YWHAZ: variants seen among roughly 807,000 people sequenced by gnomAD.
The protein encoded by YWHAZ is 14-3-3 protein zeta/delta.
For synonymous variants in YWHAZ, 87 were observed against 103.6 expected (o/e 0.84, Z 0.97); for missense variants, 79 against 284.8 (o/e 0.28, Z 5.20).
rs1586160637 is a variant in YWHAZ at position 100,948,210 on chromosome 8, ATC to A, written c.294+384_294+385del. 7.4e-7 allele frequency: 1 copy of A among 1,359,764 alleles called. No homozygotes were observed. 84.2% of individuals were successfully genotyped at this position (1,359,764 alleles called of 1,614,324 possible). ...ATTTCTACAATGAGTATCCTATTAC[ATC>A]TCTCTTACCTAAAGTATGTAAAATT... On this transcript the variant is annotated intron_variant, in intron 2 of 5. Coordinates refer to ENST00000395958, the MANE Select transcript of YWHAZ (RefSeq NM_145690.3). The surrounding 1 kb of genome is among the most constrained non-coding windows in gnomAD (Gnocchi z 4.2).
At chr8:100,949,032 T>TTA in intron 1 of YWHAZ, 132 bp from the exon 2 acceptor site, 1 of 1,086,722 alleles carries the variant, frequency 9.2e-7, no homozygotes, top group Non-Finnish European at 1.3e-6. Context: ...ACATGAGGAA[T>TTA]TAAAATGCAG....
At chr8:100,930,224 G>A (rs1180730050) in intron 2 of YWHAZ, among the ~76,000 whole-genome samples, 1 of 152,328 alleles carries the variant, frequency 6.6e-6, no homozygotes, top group South Asian at 2.1e-4. Context: ...TCAGTCTCCC[G>A]AGTAGCCGGG....
intron 1 of YWHAZ, among the ~76,000 whole-genome samples, chr8:100,949,887 T>A (rs959182173): frequency 6.6e-6 from 1 of 152,216 alleles, no homozygotes; most frequent in East Asian, 1.9e-4. Flanking sequence ...TTTTGCAAGT[T>A]GCCGAACAGC....
Position 100,926,655 on chromosome 8 carries a change from A to G in YWHAZ, c.295-1616T>C, listed in dbSNP as rs140840235. Among the ~76,000 whole-genome samples the G allele has an allele frequency of 1.4e-4, 21 of 152,304 alleles. No individual in the cohort carries two copies. In the East Asian group the frequency reaches 4.0e-3, roughly 29 times the overall value. On this transcript the variant is annotated intron_variant, in intron 2 of 5. Coordinates refer to ENST00000395958, the MANE Select transcript of YWHAZ (RefSeq NM_145690.3). ...AAATAAAATAAAATTACTGGCCGGA[A>G]ATCAGAAGAACGTTTTGGTTAGGAT...
chr8:100,937,436 T>C (rs964946063), intron 2 of YWHAZ, among the ~76,000 whole-genome samples: 1 of 152,156 alleles, frequency 6.6e-6, no homozygotes, highest in Non-Finnish European at 1.5e-5. Context: ...CACCAACTGG[T>C]CCTAATATTA....
chr8:100,943,393 C>A (rs1023817274), intron 2 of YWHAZ, among the ~76,000 whole-genome samples: 1 of 152,182 alleles, frequency 6.6e-6, no homozygotes, highest in Admixed American at 6.5e-5. Flanking sequence ...TATCAGAACA[C>A]CTGTCATTCT....
rs1190658882 is a variant in YWHAZ, at chr8:100,917,906, TA to T, written c.*2786del. 5 of 152,318 alleles carry T rather than the reference TA, an allele frequency of 3.3e-5. No homozygotes were observed. Among genetic ancestry groups the T allele is most frequent in the African/African-American group, 9.6e-5 (4 of 41,582 alleles). The allele number at this position is 152,318 out of a possible 1,614,324, so 9.4% of individuals were successfully genotyped here. ...AGAATCTCAGGTTGGAAATTTTCCTTAATCTATTGGGAACTACTATGTAGAA... is the reference window on the plus strand; with the variant it reads ...AGAATCTCAGGTTGGAAATTTTCCTTATCTATTGGGAACTACTATGTAGAA... On this transcript the variant is annotated 3_prime_UTR_variant, in exon 6 of 6. Transcript: ENST00000395958.
intron 2 of YWHAZ, among the ~76,000 whole-genome samples, chr8:100,929,114 T>C (rs1813579872): frequency 6.6e-6 from 1 of 152,206 alleles, no homozygotes; most frequent in Admixed American, 6.5e-5. Context: ...TTGTAAATAT[T>C]TTGGGGGTGC....
At chr8:100,943,609 T>C (rs974851359) in intron 2 of YWHAZ, among the ~76,000 whole-genome samples, 6 of 152,214 alleles carry the variant, frequency 3.9e-5, no homozygotes, top group African/African-American at 1.2e-4. Flanking sequence ...TTCCACTTCA[T>C]ATACCTCAGA....
chr8:100,947,264 A>C lies in YWHAZ; in HGVS notation c.294+1332T>G, dbSNP rs185723947. Among the ~76,000 whole-genome samples, 35 of 152,016 alleles carry C rather than the reference A, an allele frequency of 2.3e-4. No homozygotes were observed. In the East Asian group the frequency reaches 3.7e-3, roughly 16 times the overall value. ...GCAAGACTCCGTCTCAAAAAAAAAA[A>C]AAAACAAAAAACAAAATTTAAATAT... On this transcript the variant is annotated intron_variant, in intron 2 of 5. Transcript: ENST00000395958.
chr8:100,952,753 GCGCTGCCCCCCGCCCCGCC>G (rs1290902763), upstream of YWHAZ: 2 of 987,464 alleles, frequency 2.0e-6, no homozygotes, highest in East Asian at 2.3e-4. Context: ...TGTGTGTGGT[GCGCTGCCCCCCGCCCCGCC>G]CGCCGCTCCC....
chr8:100,937,810 G>A (rs1470764), intron 2 of YWHAZ, among the ~76,000 whole-genome samples: 99,701 of 152,042 alleles, frequency 0.66, 33,227 homozygotes, highest in African/African-American at 0.79. Flanking sequence ...GTGATTCTCA[G>A]TAAGTACAGC....
At chr8:100,939,467 C>T (rs920176965) in intron 2 of YWHAZ, among the ~76,000 whole-genome samples, 1 of 151,142 alleles carries the variant, frequency 6.6e-6, no homozygotes, top group Non-Finnish European at 1.5e-5. Flanking sequence ...CAAGACCAGC[C>T]TTACCAACAT....
chr8:100,953,191 C>G (rs1810924172), upstream of YWHAZ: 2 of 985,254 alleles, frequency 2.0e-6, no homozygotes, highest in Non-Finnish European at 2.4e-6. Context: ...CGCACGGACC[C>G]GTTTCTCGTA....
intron 2 of YWHAZ, among the ~76,000 whole-genome samples, chr8:100,928,027 C>T (rs1466704261): frequency 6.6e-6 from 1 of 152,196 alleles, no homozygotes; most frequent in Non-Finnish European, 1.5e-5. Context: ...CGCCTGTAAT[C>T]CCAACACTTT....
Position 100,948,183 on chromosome 8 carries a change from C to A in YWHAZ, c.294+413G>T. 6.7e-7 allele frequency: 1 copy of A among 1,498,180 alleles called. No individual in the cohort carries two copies. Among genetic ancestry groups the A allele is most frequent in the East Asian group, 2.5e-5 (1 of 40,522 alleles). The allele number at this position is 1,498,180 out of a possible 1,614,324, so 92.8% of individuals were successfully genotyped here. ...ATAGCGGCTAATCCTGAGAAGAGTA[C>A]TATTTCTACAATGAGTATCCTATTA... is the stretch of plus-strand genomic sequence containing the variant. On this transcript the variant is annotated intron_variant, in intron 2 of 5. Transcript: ENST00000395958. This position sits in a 1 kb window ranked among gnomAD's most constrained non-coding sequence, Gnocchi z 4.2.
chr8:100,953,361 C>G (rs1810932166), upstream of YWHAZ: 3 of 985,464 alleles, frequency 3.0e-6, no homozygotes, highest in Non-Finnish European at 3.6e-6. Context: ...GGTGATGAGC[C>G]GGGACGGGAG....
At chr8:100,943,212 C>A (rs971133383) in intron 2 of YWHAZ, among the ~76,000 whole-genome samples, 1 of 152,136 alleles carries the variant, frequency 6.6e-6, no homozygotes, top group Non-Finnish European at 1.5e-5. Context: ...AGTTCTAAGT[C>A]CCCTAAAACC....
In YWHAZ at chr8:100,920,771, A is replaced by G. The variant is rs765431532; in HGVS notation, c.679-19T>C. On this transcript the variant is annotated intron_variant, in intron 5 of 5. Coordinates refer to ENST00000395958, the MANE Select transcript of YWHAZ (RefSeq NM_145690.3). ...TCCACAACTGGTAAAAGAAGGAAAG[A>G]TTTTTCAGCAAGTTTCAGTGGGATG... 3.8e-6 allele frequency: 2 copies of G among 520,156 alleles called. No homozygotes were observed. The highest frequency in any genetic ancestry group is 3.3e-5 in the South Asian group (2 of 60,612). The allele number at this position is 520,156 out of a possible 1,614,324, so 32.2% of individuals were successfully genotyped here. A position where few individuals can be genotyped will look rare whatever the true frequency, so the allele number is the denominator to read the frequency against.
Sources: gnomAD v4.1 joint callset for allele counts (sites outside exome capture counted in the v4.1 genomes callset) on GRCh38, gnomAD v4.1.1 for gene constraint, Gnocchi (gnomAD v3.1) non-coding constraint, MANE v1.5 for transcripts, NCBI Gene and HGNC (gene_info 2026-07-23, HGNC 2026-07-21) for gene names.